The following BCAS4 variants were observed in gnomAD, a reference collection of about 807,000 sequenced individuals.
BCAS4 encodes the protein breast carcinoma amplified sequence 4, also known as breast carcinoma-amplified sequence 4.
A neutral mutation model predicts 15.7 loss-of-function variants in BCAS4; 9 were observed. The ratio of observed to expected loss-of-function variants is 0.57; its 90% confidence interval spans 0.34 to 1.00. The LOEUF (loss-of-function observed/expected upper bound fraction) is 1.00, where lower values mean the gene tolerates loss of function less well. Among genes scored for constraint, BCAS4 ranks in the 50% least tolerant of loss-of-function variants. The probability of loss-of-function intolerance (pLI) is 0.02; values close to 1 mark genes in which losing one functional copy is unlikely to be tolerated. For synonymous variants in BCAS4, 101 were observed against 99.5 expected (o/e 1.02, Z -0.09); for missense variants, 225 against 239.1 (o/e 0.94, Z 0.39).
chr20:50,864,438 G>GTTT (rs1568684273), intron 4 of BCAS4, among the ~76,000 whole-genome samples: 1 of 138,512 alleles, frequency 7.2e-6, no homozygotes, highest in African/African-American at 2.8e-5. Flanking sequence ...GATCATGATT[G>GTTT]ATTTTTTTTT....
chr20:50,845,772 G>A lies in BCAS4; in HGVS notation c.399+3872G>A, dbSNP rs8124873. ...GCCTCCAAAGGGTCCATGGAGTGGA[G>A]AGGGCTGAGGTGGGACAAGGATATT... On this transcript the variant is annotated intron_variant, in intron 4 of 4. Transcript: ENST00000371608. Among the ~76,000 whole-genome samples the A allele has an allele frequency of 3.4e-3, 516 of 152,372 alleles. 4 individuals carry two copies. The highest frequency in any genetic ancestry group is 0.011 in the African/African-American group (462 of 41,602).
chr20:50,841,740 C>T, intron 3 of BCAS4, 26 bp from the exon 4 acceptor site: 1 of 1,613,888 alleles, frequency 6.2e-7, no homozygotes, highest in Non-Finnish European at 8.5e-7. Context: ...ACAGATGCGG[C>T]ATCATGGCTT....
At chr20:50,831,853 G>A (rs560333438) in intron 3 of BCAS4, among the ~76,000 whole-genome samples, 1 of 152,330 alleles carries the variant, frequency 6.6e-6, no homozygotes, top group South Asian at 2.1e-4. Context: ...TGCAGAGGGA[G>A]GGAGCAGGCG....
intron 4 of BCAS4, among the ~76,000 whole-genome samples, chr20:50,853,314 T>A (rs1978548506): frequency 6.6e-6 from 1 of 151,682 alleles, no homozygotes; most frequent in Non-Finnish European, 1.5e-5. Flanking sequence ...CCAGCTAATT[T>A]TTGTATTTTT....
chr20:50,795,301 T>A, intron 1 of BCAS4, 128 bp downstream of exon 1: 1 of 872,406 alleles, frequency 1.1e-6, no homozygotes, highest in Non-Finnish European at 1.5e-6. Flanking sequence ...CCCCCCTTCC[T>A]GAAGGGTGGC....
Position 50,828,211 on chromosome 20 carries a change from G to A in BCAS4, c.163-2068G>A, listed in dbSNP as rs377650244. ...CTTGTGGGATCAGAGCGTGAAAAAC[G>A]AGTATCCCTGAGGACACTGGACACC... On this transcript the variant is annotated intron_variant, in intron 2 of 4. Coordinates refer to ENST00000371608, the MANE Select transcript of BCAS4 (RefSeq NM_198799.4). Among the ~76,000 whole-genome samples, 60 of 151,986 alleles carry A rather than the reference G, an allele frequency of 3.9e-4. No homozygotes were observed. The East Asian group carries it at 8.5e-3, about 22-fold the overall frequency.
At chr20:50,813,755 G>T (rs78264901) in intron 1 of BCAS4, among the ~76,000 whole-genome samples, 15,073 of 132,470 alleles carry the variant, frequency 0.11, 834 homozygotes, top group Admixed American at 0.15. Flanking sequence ...GGCATTCCCA[G>T]CTGGGAAGCT....
chr20:50,827,568 C>G (rs535608500), intron 2 of BCAS4, among the ~76,000 whole-genome samples: 2 of 152,218 alleles, frequency 1.3e-5, no homozygotes, highest in Non-Finnish European at 2.9e-5. Context: ...CTTGTCCCAG[C>G]TTTGGCCATT....
intron 1 of BCAS4, among the ~76,000 whole-genome samples, chr20:50,800,180 T>C (rs533834877): frequency 6.6e-6 from 1 of 152,316 alleles, no homozygotes; most frequent in South Asian, 2.1e-4. Flanking sequence ...AGAAGGTTAT[T>C]GTCTGGGTGC....
intron 4 of BCAS4, among the ~76,000 whole-genome samples, chr20:50,849,841 G>A (rs1303871384): frequency 3.9e-5 from 6 of 152,182 alleles, no homozygotes; most frequent in African/African-American, 1.4e-4. Context: ...GGAAAAACAT[G>A]TTGTGGCTGG....
chr20:50,864,997 G>A lies in BCAS4; in HGVS notation c.400-11489G>A, dbSNP rs557047812. Among the ~76,000 whole-genome samples the A allele has an allele frequency of 2.2e-4, 34 of 152,246 alleles. 1 individual carries two copies. The highest frequency in any genetic ancestry group is 3.7e-4 in the Non-Finnish European group (25 of 68,030). ...AATCCCAGCTACTCTGGAGGCTGAG[G>A]CAGCAGAATTACTTGAACCCTGGAG... On this transcript the variant is annotated intron_variant, in intron 4 of 4. Transcript: ENST00000371608.
chr20:50,815,267 C>A (rs974967638), intron 1 of BCAS4, among the ~76,000 whole-genome samples: 2 of 152,188 alleles, frequency 1.3e-5, no homozygotes, highest in Admixed American at 6.5e-5. Context: ...CACAGTGCTG[C>A]AGAAACATCT....
At chr20:50,845,959 G>A (rs1032178117) in intron 4 of BCAS4, among the ~76,000 whole-genome samples, 2 of 152,214 alleles carry the variant, frequency 1.3e-5, no homozygotes, top group Non-Finnish European at 2.9e-5. Context: ...CGAGGGGTCC[G>A]GTGCAGGAAG....
At chr20:50,827,015 C>CA (rs146480399) in intron 2 of BCAS4, among the ~76,000 whole-genome samples, 5,132 of 152,170 alleles carry the variant, frequency 0.034, 95 homozygotes, top group African/African-American at 0.053. Context: ...CAAAAACAAA[C>CA]AAACAAACAA....
intron 1 of BCAS4, among the ~76,000 whole-genome samples, chr20:50,810,364 C>T (rs2088044916): frequency 6.6e-6 from 1 of 151,958 alleles, no homozygotes; most frequent in South Asian, 2.1e-4. Context: ...CACCTCTTCA[C>T]CGGAGTTGCT....
intron 4 of BCAS4, among the ~76,000 whole-genome samples, chr20:50,860,002 A>G (rs1397443013): frequency 6.6e-6 from 1 of 152,094 alleles, no homozygotes; most frequent in Non-Finnish European, 1.5e-5. Flanking sequence ...TGGGCATAGT[A>G]GCATATGTCT....
chr20:50,858,871 G>A (rs1978914558), intron 4 of BCAS4, among the ~76,000 whole-genome samples: 1 of 151,328 alleles, frequency 6.6e-6, no homozygotes, highest in South Asian at 2.1e-4. Flanking sequence ...GGACTACAGG[G>A]ATGTGCCACC....
intron 1 of BCAS4, among the ~76,000 whole-genome samples, chr20:50,803,699 G>A (rs769032411): frequency 6.6e-6 from 1 of 150,944 alleles, no homozygotes; most frequent in Non-Finnish European, 1.5e-5. Context: ...TAATAAATTA[G>A]CCAGGTGTGG....
At chr20:50,812,289 C>G (rs546483238) in intron 1 of BCAS4, among the ~76,000 whole-genome samples, 1 of 151,906 alleles carries the variant, frequency 6.6e-6, no homozygotes. Flanking sequence ...CCCACTACCA[C>G]GCCCGGCTAA....
Sources: gnomAD v4.1 joint callset for allele counts (sites outside exome capture counted in the v4.1 genomes callset) on GRCh38, gnomAD v4.1.1 for gene constraint, MANE v1.5 for transcripts, NCBI Gene and HGNC (gene_info 2026-07-23, HGNC 2026-07-21) for gene names.